USP6: variants seen among roughly 807,000 people sequenced by gnomAD.
USP6 encodes the protein ubiquitin carboxyl-terminal hydrolase 6.
A neutral mutation model predicts 175.7 loss-of-function variants in USP6; 128 were observed. That is an observed-to-expected ratio of 0.73 (90% confidence interval 0.63 to 0.84). The LOEUF is 0.84. Ranked by LOEUF, USP6 falls within the 40% of genes least tolerant of loss-of-function variation. The pLI is 0.00. For synonymous variants in USP6, 562 were observed against 630.6 expected, an observed-to-expected ratio of 0.89 and a Z score of 1.63; for missense variants, 1,498 against 1,760.3, an observed-to-expected ratio of 0.85 and a Z score of 2.67.
chr17:5,172,420 G>T (rs1286665465), intron 37 of USP6, among the ~76,000 whole-genome samples: 1 of 148,464 alleles, frequency 6.7e-6, no homozygotes, highest in Non-Finnish European at 1.5e-5. Flanking sequence ...AGTCCCAGCT[G>T]CTCGGGAGGC....
intron 26 of USP6, 146 bp downstream of exon 26, chr17:5,145,009 T>C: frequency 7.8e-7 from 1 of 1,285,184 alleles, no homozygotes; most frequent in Non-Finnish European, 1.0e-6. Flanking sequence ...CTATGCTTAA[T>C]TGTTATGTGA....
At chr17:5,134,927 C>T (rs2073201377) in intron 15 of USP6, 5 of 374,216 alleles carry the variant, frequency 1.3e-5, no homozygotes, top group South Asian at 1.1e-4. Context: ...GGCCGGGAGA[C>T]TGCACATTGG....
At chr17:5,138,863 C>T (rs1352239790) in intron 21 of USP6, 6 of 665,918 alleles carry the variant, frequency 9.0e-6, no homozygotes, top group African/African-American at 5.4e-5. Context: ...GACCCACGTC[C>T]GGGCCCAGTC....
chr17:5,118,963 G>A (rs1472423187), intron 2 of USP6, among the ~76,000 whole-genome samples: 1 of 152,192 alleles, frequency 6.6e-6, no homozygotes, highest in Non-Finnish European at 1.5e-5. Context: ...CCAATCGGGA[G>A]GGAGTAAGCA....
chr17:5,151,350 C>T (rs935674187), intron 30 of USP6, among the ~76,000 whole-genome samples: 4 of 151,852 alleles, frequency 2.6e-5, no homozygotes, highest in African/African-American at 9.7e-5. Flanking sequence ...TTAGAAGACT[C>T]GATATTTTAA....
At chr17:5,154,538 G>T (rs1598069163) in intron 30 of USP6, among the ~76,000 whole-genome samples, 2 of 151,978 alleles carry the variant, frequency 1.3e-5, no homozygotes, top group East Asian at 3.9e-4. Context: ...ATCCTATCCT[G>T]TATTTAAAAA....
chr17:5,140,263 C>G (rs181885437), intron 22 of USP6, among the ~76,000 whole-genome samples: 64 of 152,340 alleles, frequency 4.2e-4, no homozygotes, highest in Admixed American at 3.1e-3. Context: ...TTTGTAATAG[C>G]ATGGCCCATA....
Position 5,133,868 on chromosome 17 carries a change from T to C in USP6, c.385-19T>C, listed in dbSNP as rs745538723. On this transcript the variant is annotated intron_variant, in intron 14 of 37. Transcript: ENST00000574788. ...CATCTGTTCTGAGGCTGCTTCCTCC[T>C]CTTGGCCCTGCCCTACAGATCATGA... 2 of 1,612,882 alleles carry C rather than the reference T, an allele frequency of 1.2e-6. No individual in the cohort carries two copies. The highest frequency in any genetic ancestry group is 1.7e-6 in the Non-Finnish European group (2 of 1,178,860).
chr17:5,158,151 G>C (rs2073925453), intron 31 of USP6, among the ~76,000 whole-genome samples: 1 of 152,176 alleles, frequency 6.6e-6, no homozygotes, highest in Non-Finnish European at 1.5e-5. Context: ...CCTGAGACCA[G>C]ATGATTAACA....
intron 15 of USP6, 56 bp downstream of exon 15, chr17:5,134,052 G>T: frequency 1.9e-6 from 3 of 1,563,926 alleles, no homozygotes; most frequent in Non-Finnish European, 2.6e-6. Context: ...GAGAGGGATG[G>T]GGACTTCCCC....
chr17:5,130,983 G>A (rs1173617658), intron 11 of USP6, among the ~76,000 whole-genome samples: 2 of 152,212 alleles, frequency 1.3e-5, no homozygotes, highest in East Asian at 3.9e-4. Flanking sequence ...GCAGCCTGAG[G>A]TTCTGGTCCT....
chr17:5,120,093 C>G (rs2072618285), intron 2 of USP6, among the ~76,000 whole-genome samples: 1 of 152,312 alleles, frequency 6.6e-6, no homozygotes, highest in East Asian at 1.9e-4. Context: ...TTCTGTGCTG[C>G]TCTAAGCTGG....
chr17:5,139,097 C>A (rs757004259), intron 21 of USP6, 158 bp from the exon 22 acceptor site: 1 of 1,595,718 alleles, frequency 6.3e-7, no homozygotes, highest in Admixed American at 1.7e-5. Context: ...CACACCCCTC[C>A]CTCTGGGATC....
chr17:5,155,245 C>G (rs997576684), intron 30 of USP6, among the ~76,000 whole-genome samples, 177 bp from the exon 31 acceptor site: 2 of 152,204 alleles, frequency 1.3e-5, no homozygotes, highest in Non-Finnish European at 2.9e-5. Context: ...CTTTTAATGA[C>G]TCCACTGTAA....
At chr17:5,153,637 G>A (rs960758777) in intron 30 of USP6, among the ~76,000 whole-genome samples, 27 of 151,256 alleles carry the variant, frequency 1.8e-4, no homozygotes, top group African/African-American at 6.1e-4. Flanking sequence ...ATTAGTAGCC[G>A]TTGGCTTAAA....
chr17:5,170,892 A>G lies in USP6; in HGVS notation c.3931A>G (p.Ile1311Val), dbSNP rs748980442. ...DQREDTHIKPIYNLYAISCHS... is the reference protein window; with the variant it reads ...DQREDTHIKPVYNLYAISCHS... ...AAGAGAAGACACTCATATTAAGCCTATTTATAATCTATATGCAATTTCAGT... is the reference window on the plus strand; with the variant it reads ...AAGAGAAGACACTCATATTAAGCCTGTTTATAATCTATATGCAATTTCAGT... Residue 1311 changes from isoleucine to valine, a missense_variant, in exon 36 of 38, where the codon ATT (isoleucine) becomes GTT (valine). Coordinates refer to ENST00000574788, the MANE Select transcript of USP6 (RefSeq NM_001304284.2). 27 of 1,611,846 alleles carry G rather than the reference A, an allele frequency of 1.7e-5. No individual in the cohort carries two copies. Among genetic ancestry groups the G allele is most frequent in the Non-Finnish European group, 5.1e-6 (6 of 1,179,612 alleles).
intron 31 of USP6, among the ~76,000 whole-genome samples, chr17:5,157,648 G>A (rs1210275686): frequency 1.1e-4 from 16 of 151,768 alleles, no homozygotes. Flanking sequence ...GTTGGCGGGG[G>A]GCGGGATGGA....
At chr17:5,119,545 G>T (rs1487622007) in intron 2 of USP6, among the ~76,000 whole-genome samples, 1 of 152,200 alleles carries the variant, frequency 6.6e-6, no homozygotes, top group East Asian at 1.9e-4. Flanking sequence ...CATGCTTCCA[G>T]TCCAGTTCCC....
intron 37 of USP6, among the ~76,000 whole-genome samples, chr17:5,172,381 A>G (rs1352779186): frequency 6.6e-6 from 1 of 150,594 alleles, no homozygotes; most frequent in African/African-American, 2.4e-5. Flanking sequence ...ACTACAAAAA[A>G]TTAGCCAGAT....
Sources: gnomAD v4.1 joint callset for allele counts (sites outside exome capture counted in the v4.1 genomes callset) on GRCh38, gnomAD v4.1.1 for gene constraint, MANE v1.5 for transcripts, NCBI Gene and HGNC (gene_info 2026-07-23, HGNC 2026-07-21) for gene names.